Variants in SOCS5 observed in about 807,000 individuals in gnomAD.
The protein encoded by SOCS5 is CIS-6.
Under a neutral mutation model 42.8 loss-of-function variants are expected in SOCS5, and 32 were observed. The observed-to-expected ratio is 0.75, with a 90% CI of 0.56 to 1.01. SOCS5 has a LOEUF of 1.01. SOCS5 is among the 50% of genes least tolerant of loss of function. The probability of loss-of-function intolerance (pLI) is 0.00; values close to 1 mark genes in which losing one functional copy is unlikely to be tolerated. For missense variants in SOCS5, 627 were observed against 653.0 expected, an observed-to-expected ratio of 0.96 and a Z score of 0.43; for synonymous variants, 283 against 229.6, an observed-to-expected ratio of 1.23 and a Z score of -2.10.
intron 1 of SOCS5, among the ~76,000 whole-genome samples, chr2:46,745,341 T>A (rs1673474316): frequency 6.6e-6 from 1 of 152,108 alleles, no homozygotes; most frequent in African/African-American, 2.4e-5. Context: ...AAAGGGAAAG[T>A]TTGTGTTGGA....
At position 46,760,312 on chromosome 2, in the gene SOCS5, T is replaced by A; in HGVS notation, c.*171T>A. 1 of 604,048 alleles carries A rather than the reference T, an allele frequency of 1.7e-6. No homozygotes were observed. The highest frequency in any genetic ancestry group is 2.2e-5 in the South Asian group (1 of 46,018). The allele number at this position is 604,048 out of a possible 1,614,324, so 37.4% of individuals were successfully genotyped here. On this transcript the variant is annotated 3_prime_UTR_variant, in exon 2 of 2. Coordinates refer to ENST00000394861, the MANE Select transcript of SOCS5 (RefSeq NM_144949.3). Reference sequence around the variant, plus strand: ...TACTTATTCAGATAAACATGGTGCCTATTGGAACAATAGCGGATAGAGCTA... The same window carrying A: ...TACTTATTCAGATAAACATGGTGCCAATTGGAACAATAGCGGATAGAGCTA...
intron 1 of SOCS5, among the ~76,000 whole-genome samples, chr2:46,717,559 T>G (rs1672777097): frequency 6.6e-6 from 1 of 152,208 alleles, no homozygotes; most frequent in African/African-American, 2.4e-5. Context: ...AAGGTCATCA[T>G]TTCGTAATCT....
At chr2:46,698,984 G>T (rs1425215656), upstream of SOCS5, 1 of 152,366 alleles carries the variant, frequency 6.6e-6, no homozygotes. Context: ...CCAAGCGGCC[G>T]GACCTCCCCG....
chr2:46,716,287 C>T (rs1672740584), intron 1 of SOCS5, among the ~76,000 whole-genome samples: 1 of 131,208 alleles, frequency 7.6e-6, no homozygotes, highest in Non-Finnish European at 1.6e-5. Context: ...CCAGCCATTT[C>T]TTGGTCCTTA....
chr2:46,736,215 A>C (rs1404178140), intron 1 of SOCS5, among the ~76,000 whole-genome samples: 1 of 151,778 alleles, frequency 6.6e-6, no homozygotes, highest in African/African-American at 2.4e-5. Context: ...CTAATTTTTA[A>C]CTTTTTTTGT....
At chr2:46,729,426 C>G (rs1673065130) in intron 1 of SOCS5, among the ~76,000 whole-genome samples, 2 of 152,164 alleles carry the variant, frequency 1.3e-5, no homozygotes, top group Non-Finnish European at 2.9e-5. Flanking sequence ...CTCACACAAA[C>G]CTAGATGGTA....
intron 1 of SOCS5, among the ~76,000 whole-genome samples, chr2:46,717,101 A>T (rs1672764478): frequency 6.6e-6 from 1 of 152,244 alleles, no homozygotes. Flanking sequence ...GTATTTGGCC[A>T]GAAACTCGAG....
At chr2:46,741,555 C>T (rs116563013) in intron 1 of SOCS5, among the ~76,000 whole-genome samples, 9,291 of 152,156 alleles carry the variant, frequency 0.061, 319 homozygotes, top group Middle Eastern at 0.13. Context: ...AATGAAATTA[C>T]AATAAATAGA....
chr2:46,715,695 A>T (rs1167915935), intron 1 of SOCS5, among the ~76,000 whole-genome samples: 2 of 152,158 alleles, frequency 1.3e-5, no homozygotes. Flanking sequence ...TTCTCTGTAT[A>T]TAATATGTTT....
At chr2:46,706,710 T>C (rs1290257672) in intron 1 of SOCS5, among the ~76,000 whole-genome samples, 4 of 152,218 alleles carry the variant, frequency 2.6e-5, no homozygotes, top group African/African-American at 9.6e-5. Context: ...AAAGTAGTAA[T>C]GTGAAAAACA....
At chr2:46,730,735 G>GA (rs759208240) in intron 1 of SOCS5, among the ~76,000 whole-genome samples, 13 of 152,284 alleles carry the variant, frequency 8.5e-5, no homozygotes, top group South Asian at 4.1e-4. Context: ...TAATTGATGG[G>GA]AAAAAATCTA....
At chr2:46,712,508 T>C (rs542690359) in intron 1 of SOCS5, among the ~76,000 whole-genome samples, 1 of 152,218 alleles carries the variant, frequency 6.6e-6, no homozygotes, top group Non-Finnish European at 1.5e-5. Flanking sequence ...CACGCCCAGA[T>C]AATTTTTGTA....
At chr2:46,745,658 G>C (rs1673480023) in intron 1 of SOCS5, among the ~76,000 whole-genome samples, 1 of 152,178 alleles carries the variant, frequency 6.6e-6, no homozygotes, top group Non-Finnish European at 1.5e-5. Flanking sequence ...TTAGCTAATT[G>C]AGTTGCTTGT....
At chr2:46,718,131 G>A (rs1251850429) in intron 1 of SOCS5, among the ~76,000 whole-genome samples, 2 of 151,986 alleles carry the variant, frequency 1.3e-5, no homozygotes, top group African/African-American at 2.4e-5. Context: ...CCCCTGTATG[G>A]GGTATAAGCA....
chr2:46,736,842 A>ATT (rs113762422), intron 1 of SOCS5, among the ~76,000 whole-genome samples: 76 of 147,264 alleles, frequency 5.2e-4, no homozygotes, highest in African/African-American at 1.8e-3. Flanking sequence ...TGGATTTCAG[A>ATT]TTTTTTTTTT....
intron 1 of SOCS5, among the ~76,000 whole-genome samples, chr2:46,700,136 A>G (rs1372527855): frequency 1.3e-5 from 2 of 152,006 alleles, no homozygotes; most frequent in African/African-American, 2.4e-5. Flanking sequence ...TTTTGTGGAG[A>G]GGGAATTGCA....
intron 1 of SOCS5, among the ~76,000 whole-genome samples, chr2:46,742,180 T>G (rs1673393146): frequency 6.6e-6 from 1 of 152,196 alleles, no homozygotes; most frequent in Admixed American, 6.5e-5. Context: ...TACATCTGAT[T>G]TGTGATTATT....
At chr2:46,727,000 C>T (rs1673008952) in intron 1 of SOCS5, among the ~76,000 whole-genome samples, 1 of 152,000 alleles carries the variant, frequency 6.6e-6, no homozygotes, top group African/African-American at 2.4e-5. Flanking sequence ...AGGTGATCCG[C>T]CCACCTCAGC....
At chr2:46,730,161 AATCAATCTTAGATAC>A (rs1673084140) in intron 1 of SOCS5, among the ~76,000 whole-genome samples, 1 of 152,188 alleles carries the variant, frequency 6.6e-6, no homozygotes, top group Non-Finnish European at 1.5e-5. Context: ...TATGTAAAGA[AATCAATCTTAGATAC>A]GGATTTTGGC....
Sources: allele counts gnomAD v4.1 joint callset (sites outside exome capture counted in the v4.1 genomes callset), GRCh38; gene constraint gnomAD v4.1.1; transcripts MANE v1.5; gene names NCBI Gene and HGNC (gene_info 2026-07-23, HGNC 2026-07-21).